The following RASA2 variants were observed in gnomAD, a reference collection of about 807,000 sequenced individuals.
RASA2 encodes ras GTPase-activating protein 2.
In RASA2, 155 loss-of-function variants were observed where a neutral mutation model predicts 118.2. The ratio of observed to expected loss-of-function variants is 1.31; its 90% CI spans 1.15 to 1.50. The LOEUF is 1.50. Among genes scored for constraint, RASA2 ranks in the 40% most tolerant of loss-of-function variants. The pLI, the probability that RASA2 is intolerant of heterozygous loss-of-function variation, is 0.00. For synonymous variants in RASA2, 353 were observed against 349.1 expected (o/e 1.01, Z -0.12); for missense variants, 1,016 against 1,009.6 (o/e 1.01, Z -0.09).
At chr3:141,586,805 T>A (rs914202029) in intron 19 of RASA2, 53 bp downstream of exon 19, 2 of 1,423,168 alleles carry the variant, frequency 1.4e-6, no homozygotes, top group African/African-American at 2.8e-5. Context: ...CAGTGAAGGT[T>A]TCTTTGCCGC....
intron 14 of RASA2, among the ~76,000 whole-genome samples, chr3:141,575,375 T>A (rs564419708): frequency 6.6e-6 from 1 of 152,312 alleles, no homozygotes; most frequent in South Asian, 2.1e-4. Context: ...CTAAATCTAA[T>A]CTTCATAACA....
At chr3:141,561,288 G>A (rs546948625) in intron 9 of RASA2, among the ~76,000 whole-genome samples, 2 of 152,266 alleles carry the variant, frequency 1.3e-5, no homozygotes, top group Non-Finnish European at 2.9e-5. Flanking sequence ...GTGCCTCCGG[G>A]TCCCTCAAAA....
In RASA2 at chr3:141,614,145, G is replaced by A. The variant is rs1227127073; in HGVS notation, c.*1832G>A. The A allele has an allele frequency of 2.6e-5, 4 of 151,178 alleles. No homozygotes were observed. Among genetic ancestry groups the A allele is most frequent in the African/African-American group, 4.8e-5 (2 of 41,244 alleles). The allele number at this position is 151,178 out of a possible 1,614,324, so 9.4% of individuals were successfully genotyped here. A position where few individuals can be genotyped will look rare whatever the true frequency, so the allele number is the denominator to read the frequency against. ...TTTAGTCCTCTGCTTTTTTTTTTAA[G>A]GCAAAAGAAATATGCATCTAGCATT... On this transcript the variant is annotated 3_prime_UTR_variant, in exon 24 of 24. Coordinates refer to ENST00000286364, the MANE Select transcript of RASA2 (RefSeq NM_006506.5).
chr3:141,576,051 ACGGGCGTGGGC>A (rs2083006150), intron 14 of RASA2, among the ~76,000 whole-genome samples: 1 of 152,168 alleles, frequency 6.6e-6, no homozygotes, highest in Admixed American at 6.5e-5. Flanking sequence ...TGCTGGAATT[ACGGGCGTGGGC>A]CACCGCGCCC....
chr3:141,497,297 T>A (rs1197622771), intron 1 of RASA2, among the ~76,000 whole-genome samples: 1 of 149,546 alleles, frequency 6.7e-6, no homozygotes, highest in Non-Finnish European at 1.5e-5. Flanking sequence ...ATTGTGCACA[T>A]GTACCCTAAA....
chr3:141,488,074 A>T (rs1158264704), intron 1 of RASA2, among the ~76,000 whole-genome samples: 1 of 152,220 alleles, frequency 6.6e-6, no homozygotes, highest in African/African-American at 2.4e-5. Flanking sequence ...AATTTTGCTC[A>T]GAGTTGTCCG....
intron 1 of RASA2, among the ~76,000 whole-genome samples, chr3:141,498,207 A>G (rs995225701): frequency 6.6e-6 from 1 of 152,190 alleles, no homozygotes; most frequent in Non-Finnish European, 1.5e-5. Flanking sequence ...TGTTATTCCT[A>G]TTTTAGAGAA....
At chr3:141,594,743 G>T (rs930734668) in intron 19 of RASA2, among the ~76,000 whole-genome samples, 2 of 152,132 alleles carry the variant, frequency 1.3e-5, no homozygotes, top group African/African-American at 4.8e-5. Flanking sequence ...TTGTGAGCAA[G>T]CCTGCACTAT....
intron 23 of RASA2, among the ~76,000 whole-genome samples, chr3:141,611,468 C>T (rs2639997): frequency 0.13 from 19,592 of 152,070 alleles, 1,820 homozygotes; most frequent in East Asian, 0.24. Context: ...GTGGATAGGG[C>T]GGGGATGGGT....
intron 11 of RASA2, among the ~76,000 whole-genome samples, chr3:141,572,283 G>A (rs933898701): frequency 3.3e-5 from 5 of 151,746 alleles, no homozygotes; most frequent in African/African-American, 1.2e-4. Flanking sequence ...GTAGAGATGG[G>A]GTTTCACCAT....
chr3:141,557,325 T>C (rs1355020964), intron 7 of RASA2, among the ~76,000 whole-genome samples: 1 of 152,186 alleles, frequency 6.6e-6, no homozygotes, highest in African/African-American at 2.4e-5. Context: ...GCAGTAGATA[T>C]TGGGGAGGTC....
intron 1 of RASA2, among the ~76,000 whole-genome samples, chr3:141,498,014 A>G (rs2081728740): frequency 1.3e-5 from 2 of 152,188 alleles, no homozygotes; most frequent in Non-Finnish European, 2.9e-5. Flanking sequence ...AAAATTTTGG[A>G]TCCTTTAAAA....
chr3:141,534,375 G>T (rs188299577), intron 4 of RASA2, among the ~76,000 whole-genome samples: 5 of 152,028 alleles, frequency 3.3e-5, no homozygotes, highest in East Asian at 1.9e-4. Context: ...TCTTTATAGG[G>T]GGGGGAAAAA....
intron 19 of RASA2, among the ~76,000 whole-genome samples, chr3:141,591,591 A>G (rs1191610766): frequency 6.6e-6 from 1 of 152,174 alleles, no homozygotes; most frequent in Non-Finnish European, 1.5e-5. Flanking sequence ...GTTACGAACT[A>G]CTTGTCTTTC....
chr3:141,607,858 A>G, intron 20 of RASA2, 98 bp downstream of exon 20: 1 of 1,255,624 alleles, frequency 8.0e-7, no homozygotes, highest in South Asian at 2.3e-5. Context: ...TATTTGTATC[A>G]CCTATTACTT....
chr3:141,523,165 G>A (rs886837619), intron 3 of RASA2, among the ~76,000 whole-genome samples: 6 of 150,376 alleles, frequency 4.0e-5, no homozygotes, highest in Non-Finnish European at 8.9e-5. Context: ...GACTTGCCCT[G>A]TTGTCCAGGC....
At chr3:141,487,499 TG>T (rs1577624460) in intron 1 of RASA2, among the ~76,000 whole-genome samples, 1 of 141,368 alleles carries the variant, frequency 7.1e-6, no homozygotes, top group African/African-American at 2.7e-5. Flanking sequence ...GGCTCGGTCG[TG>T]GGGAGCGGCC....
intron 1 of RASA2, among the ~76,000 whole-genome samples, chr3:141,510,232 A>G (rs116326105): frequency 2.4e-4 from 36 of 152,310 alleles, no homozygotes; most frequent in Admixed American, 3.9e-4. Context: ...TTAGTAGCAG[A>G]GTAAGAGAGG....
chr3:141,570,282 C>T (rs984124735), intron 9 of RASA2, among the ~76,000 whole-genome samples: 5 of 151,546 alleles, frequency 3.3e-5, no homozygotes, highest in African/African-American at 9.7e-5. Flanking sequence ...AGTACAGTGG[C>T]GGGATCTCAG....
Sources: allele counts gnomAD v4.1 joint callset (sites outside exome capture counted in the v4.1 genomes callset), GRCh38; gene constraint gnomAD v4.1.1; transcripts MANE v1.5; gene names NCBI Gene and HGNC (gene_info 2026-07-23, HGNC 2026-07-21).